The following TENM1 variants were observed in gnomAD, a reference collection of about 807,000 sequenced individuals.
TENM1 encodes teneurin-1.
TENM1 carries 35 observed loss-of-function variants against 174.8 expected under a neutral mutation model. That is an observed-to-expected ratio of 0.20 (90% CI 0.15 to 0.27). The LOEUF (loss-of-function observed/expected upper bound fraction) is 0.27. Among genes scored for constraint, TENM1 ranks in the 10% least tolerant of loss-of-function variants. TENM1 has a pLI of 1.00. For synonymous variants in TENM1, 781 were observed against 798.7 expected (o/e 0.98, Z 0.37); for missense variants, 1,633 against 2,130.1 (o/e 0.77, Z 4.59).
At chrX:125,027,340 C>A in the TENM1 span, among the ~76,000 whole-genome samples, 1 of 110,372 alleles carries the variant, frequency 9.1e-6, no homozygotes, top group African/African-American at 3.3e-5. Flanking sequence ...TGAAACAGAA[C>A]CTAATAAATC....
At chrX:125,025,002 G>A in the TENM1 span, among the ~76,000 whole-genome samples, 1 of 111,216 alleles carries the variant, frequency 9.0e-6, no homozygotes, top group South Asian at 3.8e-4. Context: ...TTATCAACAG[G>A]CAGTGTGACC....
At chrX:124,601,359 T>C (rs1231810831) in intron 11 of TENM1, among the ~76,000 whole-genome samples, 1 of 111,054 alleles carries the variant, frequency 9.0e-6, no homozygotes, top group Non-Finnish European at 1.9e-5. Flanking sequence ...TCCAGAGCAC[T>C]GGTGAAGGGA....
chrX:125,159,912 A>G, the TENM1 span, among the ~76,000 whole-genome samples: 1 of 111,825 alleles, frequency 8.9e-6, no homozygotes, highest in Non-Finnish European at 1.9e-5. Flanking sequence ...CAAAAAAGAA[A>G]TTGGAGGCAG....
chrX:125,134,416 C>T, the TENM1 span, among the ~76,000 whole-genome samples: 1 of 112,281 alleles, frequency 8.9e-6, no homozygotes, highest in Non-Finnish European at 1.9e-5. Context: ...TGAATCCTGA[C>T]CAAGTTGCTT....
At chrX:125,027,824 C>G in the TENM1 span, among the ~76,000 whole-genome samples, 1 of 110,377 alleles carries the variant, frequency 9.1e-6, no homozygotes, top group East Asian at 2.8e-4. Flanking sequence ...ATTATATGGA[C>G]AGGGAATTCT....
intron 1 of TENM1, among the ~76,000 whole-genome samples, chrX:124,924,452 C>G (rs1263039061): frequency 9.0e-6 from 1 of 111,215 alleles, no homozygotes; most frequent in Non-Finnish European, 1.9e-5. Flanking sequence ...TAACACCCTG[C>G]CCCCAACCAA....
the TENM1 span, among the ~76,000 whole-genome samples, chrX:125,190,626 C>A: frequency 9.0e-6 from 1 of 111,494 alleles, no homozygotes; most frequent in Non-Finnish European, 1.9e-5. Context: ...CTAAAACTGG[C>A]ATATTCCTCT....
chrX:125,055,429 C>T, the TENM1 span, among the ~76,000 whole-genome samples: 1 of 110,944 alleles, frequency 9.0e-6, no homozygotes, highest in Non-Finnish European at 1.9e-5. Context: ...ATTTGATTGC[C>T]CTGATAATCA....
intron 15 of TENM1, among the ~76,000 whole-genome samples, chrX:124,543,790 G>A (rs1432488102): frequency 8.9e-6 from 1 of 112,245 alleles, no homozygotes. Flanking sequence ...TCTTCACCAT[G>A]GGCAGGGTGC....
the TENM1 span, among the ~76,000 whole-genome samples, chrX:125,026,681 A>T: frequency 8.9e-6 from 1 of 112,046 alleles, no homozygotes; most frequent in South Asian, 3.6e-4. Context: ...TAATACATCC[A>T]GGCCAAGTTG....
At chrX:124,821,988 A>G (rs1185248854) in intron 3 of TENM1, among the ~76,000 whole-genome samples, 1 of 112,038 alleles carries the variant, frequency 8.9e-6, no homozygotes, top group Non-Finnish European at 1.9e-5. Context: ...GCTGGGGCAG[A>G]GACTATTAGC....
At chrX:125,076,055 CTA>C in the TENM1 span, among the ~76,000 whole-genome samples, 3 of 111,795 alleles carry the variant, frequency 2.7e-5, no homozygotes, top group Non-Finnish European at 5.7e-5. Flanking sequence ...AGTAAGATTT[CTA>C]TATGTTTTAT....
the TENM1 span, among the ~76,000 whole-genome samples, chrX:125,099,589 G>A: frequency 8.9e-6 from 1 of 111,777 alleles, no homozygotes; most frequent in Non-Finnish European, 1.9e-5. Context: ...GAAACCAAGT[G>A]GCCAAAGAAA....
chrX:124,564,063 C>T (rs2048887391), intron 12 of TENM1, among the ~76,000 whole-genome samples: 1 of 112,228 alleles, frequency 8.9e-6, no homozygotes, highest in Non-Finnish European at 1.9e-5. Flanking sequence ...GTAATAACTC[C>T]TGTGAAAGAG....
chrX:125,148,267 C>T, the TENM1 span, among the ~76,000 whole-genome samples: 1 of 110,322 alleles, frequency 9.1e-6, no homozygotes, highest in African/African-American at 3.3e-5. Flanking sequence ...CAATCTAAGT[C>T]TATTCTCTCT....
At position 124,955,792 on chromosome X, in the gene TENM1, C is replaced by T. The variant is rs113444884; in HGVS notation, c.217+7745G>A. ...CATGCATAAACAGATACAACACACG[C>T]GCACGCACACACACACACACACACA... is the stretch of plus-strand genomic sequence containing the variant. On this transcript the variant is annotated intron_variant, in intron 1 of 31. Coordinates refer to ENST00000422452, the Ensembl canonical transcript of TENM1. 7.9e-3 allele frequency among the ~76,000 whole-genome samples: 720 copies of T among 90,690 alleles called. 4 individuals are homozygous for T. The highest frequency in any genetic ancestry group is 0.032 in the African/African-American group (651 of 20,431). The allele number at this position is 90,690 out of a possible 115,157, so 78.8% of individuals were successfully genotyped here. A position where few individuals can be genotyped will look rare whatever the true frequency, so the allele number is the denominator to read the frequency against.
At chrX:124,508,189 A>G (rs1437573414) in intron 18 of TENM1, among the ~76,000 whole-genome samples, 2 of 112,333 alleles carry the variant, frequency 1.8e-5, no homozygotes, top group Non-Finnish European at 3.8e-5. Context: ...AGATTCTTCT[A>G]TCTTTCCCTA....
intron 3 of TENM1, among the ~76,000 whole-genome samples, chrX:124,869,054 G>A (rs1359509383): frequency 9.4e-5 from 9 of 95,692 alleles, no homozygotes; most frequent in Non-Finnish European, 1.2e-4. Flanking sequence ...GTGAAATACC[G>A]TCTCTACCAA....
chrX:125,088,694 T>G, the TENM1 span, among the ~76,000 whole-genome samples: 1 of 110,624 alleles, frequency 9.0e-6, no homozygotes, highest in South Asian at 3.8e-4. Context: ...CAAAAACAGA[T>G]AAGCCTTTCT....
Sources: gnomAD v4.1 joint callset for allele counts (sites outside exome capture counted in the v4.1 genomes callset) on GRCh38, gnomAD v4.1.1 for gene constraint, MANE v1.5 for transcripts, NCBI Gene and HGNC (gene_info 2026-07-23, HGNC 2026-07-21) for gene names.